Variants in TTBK2 observed in about 807,000 individuals in gnomAD.
TTBK2 encodes the protein tau tubulin kinase 2, also known as tau-tubulin kinase 2.
A neutral mutation model predicts 110.8 loss-of-function variants in TTBK2; 28 were observed. The observed-to-expected ratio is 0.25, with a 90% CI of 0.19 to 0.35. TTBK2 has a LOEUF of 0.35. Among genes scored for constraint, TTBK2 ranks in the 10% least tolerant of loss-of-function variants. The pLI, the probability that TTBK2 is intolerant of heterozygous loss-of-function variation, is 1.00. For missense variants in TTBK2, 1,369 were observed against 1,500.3 expected (o/e 0.91, Z 1.45); for synonymous variants, 532 against 527.3 (o/e 1.01, Z -0.12).
At chr15:42,912,398 T>C (rs2030814328) in intron 1 of TTBK2, among the ~76,000 whole-genome samples, 1 of 152,216 alleles carries the variant, frequency 6.6e-6, no homozygotes, top group Admixed American at 6.5e-5. Flanking sequence ...ATAACTGTCA[T>C]ATAGTTTATA....
At chr15:42,868,379 T>C (rs1278133827) in intron 3 of TTBK2, among the ~76,000 whole-genome samples, 1 of 152,112 alleles carries the variant, frequency 6.6e-6, no homozygotes, top group Non-Finnish European at 1.5e-5. Flanking sequence ...TGTATCAATG[T>C]AGGTTCATCA....
At position 42,763,084 on chromosome 15, in the gene TTBK2, T is replaced by TATATATATATATATATATA. The variant is rs1567008356; in HGVS notation, c.1999-9838_1999-9837insTATATATATATATATATAT. On this transcript the variant is annotated intron_variant, in intron 13 of 14. Transcript: ENST00000267890. ...TATAGGATGATTACAGTTAACAATT[T>TATATATATATATATATATA]TATATATATATATATATACGTATAT... 3.7e-5 allele frequency among the ~76,000 whole-genome samples: 4 copies of TATATATATATATATATATA among 108,790 alleles called. 1 individual carries two copies. The East Asian group carries it at 9.5e-4, about 26-fold the overall frequency. 71.4% of individuals were successfully genotyped at this position (108,790 alleles called of 152,430 possible).
chr15:42,805,412 C>T (rs1216665052), intron 9 of TTBK2, among the ~76,000 whole-genome samples: 2 of 152,146 alleles, frequency 1.3e-5, no homozygotes, highest in Non-Finnish European at 2.9e-5. Flanking sequence ...TGCGGAGAAA[C>T]TGACATCTGA....
rs377302352 is a variant in TTBK2, at chr15:42,891,666, A to T, written c.-67-12982T>A. 1.2e-4 allele frequency among the ~76,000 whole-genome samples: 18 copies of T among 152,290 alleles called. No individual in the cohort carries two copies. The South Asian group carries it at 2.3e-3, about 19-fold the overall frequency. ...TGCTTGGGAGCCTTACAAACTTATC[A>T]TATAGTCCTCTTCATCTGATTGTTC... On this transcript the variant is annotated intron_variant, in intron 1 of 14. Coordinates refer to ENST00000267890, the MANE Select transcript of TTBK2 (RefSeq NM_173500.4).
rs182139195 is a variant in TTBK2, at chr15:42,761,856, G to A, written c.1999-8609C>T. ...CAAATACAGTGTTTGTGGGTGTAAC[G>A]GTTTGGCTGTGTCCCCACCCAAATC... On this transcript the variant is annotated intron_variant, in intron 13 of 14. Transcript: ENST00000267890. 4.6e-5 allele frequency among the ~76,000 whole-genome samples: 7 copies of A among 152,162 alleles called. No homozygotes were observed. The South Asian group carries it at 8.3e-4, about 18-fold the overall frequency.
Position 42,827,195 on chromosome 15 carries a change from A to G in TTBK2, c.537+733T>C, listed in dbSNP as rs544854601. Among the ~76,000 whole-genome samples the G allele has an allele frequency of 1.7e-4, 26 of 152,320 alleles. No homozygotes were observed. In the South Asian group the frequency reaches 5.4e-3, roughly 32 times the overall value. ...AAGACGCACCACCCTGAAGAGCAAC[A>G]GCAGAGTCTTAATACTGTGTGTATG... On this transcript the variant is annotated intron_variant, in intron 6 of 14. Transcript: ENST00000267890.
intron 1 of TTBK2, among the ~76,000 whole-genome samples, chr15:42,907,680 G>T (rs961301298): frequency 6.6e-6 from 1 of 151,574 alleles, no homozygotes; most frequent in Non-Finnish European, 1.5e-5. Flanking sequence ...GAAGGGGGAA[G>T]AAATGGGAAA....
intron 9 of TTBK2, among the ~76,000 whole-genome samples, chr15:42,807,878 T>C (rs1046278299): frequency 5.9e-5 from 9 of 152,220 alleles, no homozygotes; most frequent in African/African-American, 2.2e-4. Flanking sequence ...TATGCACTTA[T>C]AGGGTTAATT....
intron 13 of TTBK2, among the ~76,000 whole-genome samples, chr15:42,763,143 C>CATATATATATACATATATATAT (rs2062063829): frequency 3.9e-5 from 2 of 51,152 alleles, no homozygotes; most frequent in African/African-American, 2.2e-4. Context: ...TATATACATA[C>CATATATATATACATATATATAT]ATATATATAT....
intron 13 of TTBK2, among the ~76,000 whole-genome samples, chr15:42,760,872 G>C (rs781079925): frequency 5.3e-5 from 8 of 152,032 alleles, no homozygotes; most frequent in Non-Finnish European, 7.4e-5. Context: ...GCAATCCTAA[G>C]CAAAAATACA....
At chr15:42,813,604 G>T (rs890996000) in intron 7 of TTBK2, among the ~76,000 whole-genome samples, 1 of 152,124 alleles carries the variant, frequency 6.6e-6, no homozygotes, top group East Asian at 1.9e-4. Context: ...TAGCACTTTG[G>T]AAGGCTGAAG....
intron 4 of TTBK2, among the ~76,000 whole-genome samples, chr15:42,837,591 G>A (rs1893041297): frequency 6.7e-6 from 1 of 149,992 alleles, no homozygotes; most frequent in Non-Finnish European, 1.5e-5. Flanking sequence ...CCCAGGAGGT[G>A]GAAGTTGCAG....
At chr15:42,807,490 T>G (rs1172974337) in intron 9 of TTBK2, among the ~76,000 whole-genome samples, 1 of 152,134 alleles carries the variant, frequency 6.6e-6, no homozygotes, top group African/African-American at 2.4e-5. Context: ...TATGGCTCAC[T>G]GCAGCCTTGA....
At chr15:42,763,157 C>CATATATATAT (rs1567008803) in intron 13 of TTBK2, among the ~76,000 whole-genome samples, 108 of 20,450 alleles carry the variant, frequency 5.3e-3, no homozygotes, top group South Asian at 0.02. Context: ...TATATATATA[C>CATATATATAT]ATATATATAT....
intron 2 of TTBK2, among the ~76,000 whole-genome samples, chr15:42,875,732 C>A (rs1894792229): frequency 6.6e-6 from 1 of 151,928 alleles, no homozygotes; most frequent in Non-Finnish European, 1.5e-5. Flanking sequence ...CATGGCAAAA[C>A]CCCGTCTCTA....
chr15:42,753,351 C>T (rs2061897067), intron 13 of TTBK2, 104 bp from the exon 14 acceptor site: 1 of 1,247,104 alleles, frequency 8.0e-7, no homozygotes, highest in Non-Finnish European at 1.1e-6. Context: ...AGGAAGAACA[C>T]AGATGTTGAC....
chr15:42,783,744 T>TAAAAAAAAAA, intron 10 of TTBK2, 109 bp from the exon 11 acceptor site: 2 of 679,074 alleles, frequency 2.9e-6, no homozygotes, highest in Admixed American at 2.8e-5. Flanking sequence ...TTAAGAGAGT[T>TAAAAAAAAAA]AAAAAAAAAA....
chr15:42,874,701 G>A (rs1056233609), intron 2 of TTBK2, among the ~76,000 whole-genome samples: 9 of 151,590 alleles, frequency 5.9e-5, no homozygotes, highest in Non-Finnish European at 1.2e-4. Context: ...TAAAGTTCCA[G>A]AAGTGGCCGG....
At chr15:42,907,262 G>A (rs181675668) in intron 1 of TTBK2, among the ~76,000 whole-genome samples, 35 of 152,184 alleles carry the variant, frequency 2.3e-4, no homozygotes, top group Admixed American at 1.5e-3. Context: ...CTATGGAGGC[G>A]CTATAGAGGT....
Sources: allele counts gnomAD v4.1 joint callset (sites outside exome capture counted in the v4.1 genomes callset), GRCh38; gene constraint gnomAD v4.1.1; transcripts MANE v1.5; gene names NCBI Gene and HGNC (gene_info 2026-07-23, HGNC 2026-07-21).